The following MACROD2 variants were observed in gnomAD, a reference collection of about 807,000 sequenced individuals.
The protein encoded by MACROD2 is ADP-ribose glycohydrolase MACROD2.
A neutral mutation model predicts 70.4 loss-of-function variants in MACROD2; 36 were observed. The ratio of observed to expected loss-of-function variants is 0.51; its 90% CI spans 0.39 to 0.68. MACROD2 has a LOEUF of 0.68. MACROD2 is among the 30% of genes least tolerant of loss of function. MACROD2 has a pLI of 0.00. For missense variants in MACROD2, 496 were observed against 538.4 expected, an observed-to-expected ratio of 0.92 and a Z score of 0.78; for synonymous variants, 172 against 178.8, an observed-to-expected ratio of 0.96 and a Z score of 0.30.
chr20:15,753,824 T>C (rs571679597), intron 8 of MACROD2, among the ~76,000 whole-genome samples: 1 of 152,210 alleles, frequency 6.6e-6, no homozygotes, highest in South Asian at 2.1e-4. Flanking sequence ...TGGTGTGAGA[T>C]GGTAGCTCAT....
At chr20:15,903,062 A>G (rs2065089090) in intron 10 of MACROD2, among the ~76,000 whole-genome samples, 1 of 152,150 alleles carries the variant, frequency 6.6e-6, no homozygotes, top group African/African-American at 2.4e-5. Flanking sequence ...CTCTCTGGGA[A>G]AAGAGTGTTC....
chr20:14,965,589 T>A (rs2074628495), intron 5 of MACROD2, among the ~76,000 whole-genome samples: 2 of 149,466 alleles, frequency 1.3e-5, no homozygotes. Context: ...GCCTCCCTAG[T>A]AACTGGGGCT....
At chr20:14,648,696 G>A (rs1489655081) in intron 4 of MACROD2, among the ~76,000 whole-genome samples, 2 of 151,576 alleles carry the variant, frequency 1.3e-5, no homozygotes, top group Non-Finnish European at 2.9e-5. Context: ...TAAAAATGGA[G>A]TCATACTATA....
chr20:14,258,491 G>A (rs2082075773), intron 3 of MACROD2, among the ~76,000 whole-genome samples: 1 of 152,052 alleles, frequency 6.6e-6, no homozygotes, highest in South Asian at 2.1e-4. Context: ...ATTTTCATAT[G>A]TTTTTTGGCT....
chr20:15,440,879 T>C (rs1022125405), intron 7 of MACROD2, among the ~76,000 whole-genome samples: 1 of 152,200 alleles, frequency 6.6e-6, no homozygotes, highest in African/African-American at 2.4e-5. Flanking sequence ...TGATGACTCT[T>C]TTCACTGTCG....
chr20:14,457,416 T>C (rs553510546), intron 3 of MACROD2, among the ~76,000 whole-genome samples: 87 of 152,248 alleles, frequency 5.7e-4, no homozygotes, highest in African/African-American at 2.1e-3. Flanking sequence ...GTGAAGACAT[T>C]CACCAAACAC....
intron 3 of MACROD2, among the ~76,000 whole-genome samples, chr20:14,099,029 C>T (rs550382426): frequency 1.2e-4 from 18 of 152,216 alleles, no homozygotes; most frequent in Admixed American, 2.0e-4. Flanking sequence ...CCTGTAATCC[C>T]AACACTTTGG....
At chr20:14,325,564 T>A in intron 3 of MACROD2, 4 of 1,608,830 alleles carry the variant, frequency 2.5e-6, no homozygotes, top group Non-Finnish European at 3.4e-6. Flanking sequence ...GCATCATGAG[T>A]GTGAGTGATC....
intron 5 of MACROD2, among the ~76,000 whole-genome samples, chr20:14,804,516 C>T (rs1312291075): frequency 1.3e-5 from 2 of 151,968 alleles, no homozygotes; most frequent in East Asian, 3.8e-4. Context: ...AAATGTCCAA[C>T]AACATAGGTC....
intron 5 of MACROD2, among the ~76,000 whole-genome samples, chr20:14,993,762 T>C (rs996659568): frequency 6.6e-6 from 1 of 152,318 alleles, no homozygotes; most frequent in African/African-American, 2.4e-5. Flanking sequence ...CTTAGTAAGA[T>C]GTATTATTTG....
intron 3 of MACROD2, among the ~76,000 whole-genome samples, chr20:14,274,460 A>C (rs1601423847): frequency 6.6e-6 from 1 of 152,196 alleles, no homozygotes; most frequent in Non-Finnish European, 1.5e-5. Flanking sequence ...TCATGCTAAA[A>C]ACTCTCAATA....
intron 5 of MACROD2, among the ~76,000 whole-genome samples, chr20:14,816,851 A>G (rs960576977): frequency 4.6e-5 from 7 of 151,992 alleles, no homozygotes; most frequent in Admixed American, 4.6e-4. Flanking sequence ...AACACAATTG[A>G]ATTTGAGTTG....
intron 7 of MACROD2, among the ~76,000 whole-genome samples, chr20:15,463,120 T>C (rs2146418392): frequency 6.6e-6 from 1 of 152,320 alleles, no homozygotes; most frequent in South Asian, 2.1e-4. Flanking sequence ...ACTAACCCAG[T>C]GTTCCCCTGG....
At chr20:14,968,319 G>A (rs41353747) in intron 5 of MACROD2, among the ~76,000 whole-genome samples, 16,650 of 152,124 alleles carry the variant, frequency 0.11, 1,232 homozygotes, top group East Asian at 0.32. Flanking sequence ...ATATACAACA[G>A]TTCTCAGCCC....
chr20:15,055,187 T>C (rs1601006943), intron 5 of MACROD2, among the ~76,000 whole-genome samples: 2 of 152,146 alleles, frequency 1.3e-5, no homozygotes, highest in Non-Finnish European at 2.9e-5. Flanking sequence ...TGACCTCAAG[T>C]GATCCGCCCA....
chr20:14,044,211 G>T (rs6079270), intron 2 of MACROD2, among the ~76,000 whole-genome samples: 5,449 of 151,934 alleles, frequency 0.036, 152 homozygotes, highest in Non-Finnish European at 0.051. Flanking sequence ...AGACTTTCGC[G>T]GTGAGTGTTA....
chr20:15,027,073 C>T (rs1347675597), intron 5 of MACROD2, among the ~76,000 whole-genome samples: 2 of 152,040 alleles, frequency 1.3e-5, no homozygotes, highest in African/African-American at 4.8e-5. Flanking sequence ...TTGGTTTACA[C>T]AGTGATTTAT....
intron 7 of MACROD2, among the ~76,000 whole-genome samples, chr20:15,490,222 TC>T (rs1568844585): frequency 2.1e-5 from 3 of 139,600 alleles, no homozygotes; most frequent in Non-Finnish European, 4.6e-5. Flanking sequence ...CCTTCCTTCC[TC>T]CCTTCCTTCC....
chr20:15,788,449 A>G (rs1202379566), intron 8 of MACROD2, among the ~76,000 whole-genome samples: 1 of 151,828 alleles, frequency 6.6e-6, no homozygotes, highest in African/African-American at 2.4e-5. Flanking sequence ...GATTTAAAAT[A>G]TCTATAAATT....
Sources: gnomAD v4.1 joint callset for allele counts (sites outside exome capture counted in the v4.1 genomes callset) on GRCh38, gnomAD v4.1.1 for gene constraint, MANE v1.5 for transcripts, NCBI Gene and HGNC (gene_info 2026-07-23, HGNC 2026-07-21) for gene names.